SCN11A: variants seen among roughly 807,000 people sequenced by gnomAD.
SCN11A encodes sodium voltage-gated channel alpha subunit 11, also known as sodium channel protein type 11 subunit alpha.
In SCN11A, 122 loss-of-function variants were observed where a neutral mutation model predicts 162.2. That is an observed-to-expected ratio of 0.75 (90% CI 0.65 to 0.87). SCN11A has a LOEUF of 0.87. SCN11A is among the 40% of genes least tolerant of loss of function. SCN11A has a pLI of 0.00. For synonymous variants in SCN11A, 758 were observed against 751.5 expected, an observed-to-expected ratio of 1.01 and a Z score of -0.14; for missense variants, 2,015 against 2,181.6, an observed-to-expected ratio of 0.92 and a Z score of 1.52.
At chr3:38,954,950 T>G (rs1271807073) in intron 3 of SCN11A, among the ~76,000 whole-genome samples, 1 of 152,216 alleles carries the variant, frequency 6.6e-6, no homozygotes, top group South Asian at 2.1e-4. Context: ...ATTGTGCCAC[T>G]GCCCTCCAGC....
intron 27 of SCN11A, among the ~76,000 whole-genome samples, chr3:38,864,216 C>CCAGACTATGAGTAAAAAAAAAATGAT (rs1262124977): frequency 2.0e-5 from 3 of 152,090 alleles, no homozygotes; most frequent in Admixed American, 6.6e-5. Flanking sequence ...GAGTAAAAAG[C>CCAGACTATGAGTAAAAAAAAAATGAT]CAGTCTTCCC....
At chr3:38,923,442 C>CA (rs1042489866) in intron 9 of SCN11A, among the ~76,000 whole-genome samples, 3 of 152,188 alleles carry the variant, frequency 2.0e-5, no homozygotes, top group African/African-American at 7.2e-5. Context: ...ACAGCCATCT[C>CA]AAACATAACA....
chr3:38,959,936 T>C (rs1345760304), intron 3 of SCN11A, among the ~76,000 whole-genome samples: 3 of 152,120 alleles, frequency 2.0e-5, no homozygotes, highest in Admixed American at 1.3e-4. Context: ...ATTTGGAGGA[T>C]TTTTACCATC....
In SCN11A at chr3:38,894,827, T is replaced by C. The variant is rs761053447; in HGVS notation, c.2541A>G (p.Arg847=). Residue 847 remains arginine, a synonymous_variant, in exon 19 of 30, where the codon AGA becomes AGG. Transcript: ENST00000302328. ...DRFRRAFCFV[R]HTLEHFCHKW... is the part of the protein sequence containing the mutation. ...TGTGACAGAAATGCTCAAGAGTGTG[T>C]CTCACAAAACAAAAAGCCCGGCGGA... The C allele has an allele frequency of 4.3e-6, 7 of 1,614,076 alleles. No homozygotes were observed. The African/African-American group carries it at 6.7e-5, about 15-fold the overall frequency.
chr3:38,934,534 T>C (rs1320922232), intron 7 of SCN11A, among the ~76,000 whole-genome samples: 1 of 151,892 alleles, frequency 6.6e-6, no homozygotes, highest in African/African-American at 2.4e-5. Flanking sequence ...TGGAGGAAGA[T>C]CTACCAAGCA....
intron 1 of SCN11A, among the ~76,000 whole-genome samples, chr3:39,045,307 C>T (rs971413977): frequency 2.0e-5 from 3 of 152,094 alleles, no homozygotes; most frequent in African/African-American, 7.2e-5. Flanking sequence ...CCAACACTAC[C>T]CTAATGCCAA....
chr3:38,918,742 C>A (rs755127362), intron 11 of SCN11A, among the ~76,000 whole-genome samples: 1 of 152,168 alleles, frequency 6.6e-6, no homozygotes, highest in African/African-American at 2.4e-5. Context: ...TAAAGCCTAT[C>A]GTGTCTTGCA....
chr3:38,988,285 G>A (rs2030332433), intron 2 of SCN11A, among the ~76,000 whole-genome samples: 1 of 151,978 alleles, frequency 6.6e-6, no homozygotes. Context: ...GCCACACAGG[G>A]CTCTGAAGGA....
chr3:38,966,513 A>G (rs2066783466), intron 2 of SCN11A, among the ~76,000 whole-genome samples: 1 of 152,186 alleles, frequency 6.6e-6, no homozygotes, highest in Non-Finnish European at 1.5e-5. Context: ...GGTATATTTG[A>G]TTTTGTTGCA....
At chr3:39,042,142 G>A (rs1007797191) in intron 1 of SCN11A, among the ~76,000 whole-genome samples, 9 of 152,172 alleles carry the variant, frequency 5.9e-5, no homozygotes, top group East Asian at 3.9e-4. Context: ...GGTGGTAGGC[G>A]CCTGTAGTCC....
chr3:39,008,209 T>C (rs1390959971), intron 2 of SCN11A, among the ~76,000 whole-genome samples: 1 of 152,180 alleles, frequency 6.6e-6, no homozygotes, highest in African/African-American at 2.4e-5. Context: ...TAAAAGATAA[T>C]GGAGTAATTC....
intron 2 of SCN11A, among the ~76,000 whole-genome samples, chr3:39,020,204 C>A (rs1324688152): frequency 6.6e-6 from 1 of 152,160 alleles, no homozygotes; most frequent in African/African-American, 2.4e-5. Context: ...AAGCATTCAA[C>A]AAATCTCAAT....
intron 2 of SCN11A, among the ~76,000 whole-genome samples, chr3:39,011,026 A>G (rs535080883): frequency 6.6e-6 from 1 of 152,262 alleles, no homozygotes; most frequent in African/African-American, 2.4e-5. Flanking sequence ...AACCAAACCT[A>G]GGGTCTGCTT....
rs565746658 is a variant in SCN11A, at chr3:38,938,726, G to A, written c.488+6685C>T. ...ATTACAGGCATGTGCCACCATGCCCGGCTAATTTTGTATTCTTAGTAGAGA... is the reference window on the plus strand; with the variant it reads ...ATTACAGGCATGTGCCACCATGCCCAGCTAATTTTGTATTCTTAGTAGAGA... On this transcript the variant is annotated intron_variant, in intron 7 of 29. Coordinates refer to ENST00000302328, the MANE Select transcript of SCN11A (RefSeq NM_001349253.2). 3.2e-4 allele frequency among the ~76,000 whole-genome samples: 48 copies of A among 150,328 alleles called. 1 individual carries two copies. The South Asian group carries it at 9.3e-3, about 29-fold the overall frequency.
At chr3:38,982,465 C>T (rs2125590948) in intron 2 of SCN11A, among the ~76,000 whole-genome samples, 1 of 152,238 alleles carries the variant, frequency 6.6e-6, no homozygotes, top group East Asian at 1.9e-4. Context: ...GAGCCCCTGA[C>T]TTAAATGGAA....
intron 19 of SCN11A, among the ~76,000 whole-genome samples, chr3:38,886,645 T>C (rs1469005464): frequency 1.3e-5 from 2 of 152,134 alleles, no homozygotes; most frequent in East Asian, 1.9e-4. Context: ...AAAAATAAAA[T>C]ATATAATCTT....
intron 9 of SCN11A, among the ~76,000 whole-genome samples, chr3:38,923,311 C>T (rs1344346242): frequency 1.3e-5 from 2 of 152,134 alleles, no homozygotes; most frequent in Non-Finnish European, 2.9e-5. Flanking sequence ...TTAGATCTCA[C>T]GGCTTTAAAT....
chr3:39,038,272 G>A (rs568428809), intron 1 of SCN11A, among the ~76,000 whole-genome samples: 2 of 152,308 alleles, frequency 1.3e-5, no homozygotes, highest in East Asian at 1.9e-4. Flanking sequence ...TGAGGTTGCA[G>A]TCAAGATGTT....
At chr3:38,881,106 G>A (rs2065301972) in intron 22 of SCN11A, among the ~76,000 whole-genome samples, 1 of 152,170 alleles carries the variant, frequency 6.6e-6, no homozygotes, top group African/African-American at 2.4e-5. Context: ...GCTGAAGAAG[G>A]CCCTCTATCT....
Sources: gnomAD v4.1 joint callset for allele counts (sites outside exome capture counted in the v4.1 genomes callset) on GRCh38, gnomAD v4.1.1 for gene constraint, MANE v1.5 for transcripts, NCBI Gene and HGNC (gene_info 2026-07-23, HGNC 2026-07-21) for gene names.